Variants in IPCEF1 observed in about 807,000 individuals in gnomAD.
IPCEF1 encodes interaction protein for cytohesin exchange factors 1, also known as interactor protein for cytohesin exchange factors 1.
Under a neutral mutation model 50.9 loss-of-function variants are expected in IPCEF1, and 31 were observed. The observed-to-expected ratio is 0.61, with a 90% CI of 0.46 to 0.82. The LOEUF (loss-of-function observed/expected upper bound fraction) is 0.82, where lower values mean the gene tolerates loss of function less well. Ranked by LOEUF, IPCEF1 falls within the 40% of genes least tolerant of loss-of-function variation. The pLI, the probability that IPCEF1 is intolerant of heterozygous loss-of-function variation, is 0.00. For synonymous variants in IPCEF1, 181 were observed against 192.0 expected, an observed-to-expected ratio of 0.94 and a Z score of 0.47; for missense variants, 458 against 514.0, an observed-to-expected ratio of 0.89 and a Z score of 1.05.
chr6:154,263,417 G>A (rs1045897628), intron 3 of IPCEF1, among the ~76,000 whole-genome samples: 8 of 135,580 alleles, frequency 5.9e-5, no homozygotes, highest in Admixed American at 1.5e-4. Flanking sequence ...TGTGTCCCTG[G>A]GTACTTGAGA....
At chr6:154,335,043 G>A (rs931920374) in intron 1 of IPCEF1, among the ~76,000 whole-genome samples, 22 of 151,938 alleles carry the variant, frequency 1.4e-4, no homozygotes, top group African/African-American at 3.9e-4. Flanking sequence ...TAAACAGATC[G>A]TGTCACAAGA....
chr6:154,162,155 T>C lies in IPCEF1; in HGVS notation c.1105-2115A>G, dbSNP rs550242368. On this transcript the variant is annotated intron_variant, in intron 11 of 11. Coordinates refer to ENST00000367220, the MANE Select transcript of IPCEF1 (RefSeq NM_001130700.2). ...TCCTAGTAAAGGCCAATCCCTCCAC[T>C]TGGGCACAATGGCCCCCGCTCTCCT... 2.6e-5 allele frequency among the ~76,000 whole-genome samples: 4 copies of C among 152,326 alleles called. No homozygotes were observed. In the South Asian group the frequency reaches 8.3e-4, roughly 32 times the overall value.
intron 1 of IPCEF1, among the ~76,000 whole-genome samples, chr6:154,333,709 A>ATATATGTGTGTATG: frequency 6.6e-6 from 1 of 151,588 alleles, no homozygotes; most frequent in South Asian, 2.1e-4. Flanking sequence ...GCGTTTGTGT[A>ATATATGTGTGTATG]TATATGTGTG....
intron 1 of IPCEF1, among the ~76,000 whole-genome samples, chr6:154,320,068 T>C (rs971847932): frequency 6.6e-6 from 1 of 152,214 alleles, no homozygotes; most frequent in Non-Finnish European, 1.5e-5. Context: ...TTGTCTAACT[T>C]TTATTCTGTT....
At chr6:154,198,929 G>A (rs1351885055) in intron 10 of IPCEF1, among the ~76,000 whole-genome samples, 3 of 152,112 alleles carry the variant, frequency 2.0e-5, no homozygotes, top group Non-Finnish European at 4.4e-5. Context: ...TCAGGTAAGC[G>A]TGTTTTACAG....
chr6:154,290,503 T>C (rs1313842028), intron 1 of IPCEF1, among the ~76,000 whole-genome samples: 1 of 152,198 alleles, frequency 6.6e-6, no homozygotes, highest in Non-Finnish European at 1.5e-5. Context: ...TAATAAGCTC[T>C]CACTCCTCAA....
Position 154,331,399 on chromosome 6 carries a change from GAA to G in IPCEF1, c.-62+25271_-62+25272del, listed in dbSNP as rs753780331. Among the ~76,000 whole-genome samples the G allele has an allele frequency of 7.4e-3, 990 of 134,064 alleles. 7 individuals are homozygous for G. Among genetic ancestry groups the G allele is most frequent in the Non-Finnish European group, 0.01 (637 of 62,826 alleles). 88.0% of individuals were successfully genotyped at this position (134,064 alleles called of 152,430 possible). On this transcript the variant is annotated intron_variant, in intron 1 of 11. Transcript: ENST00000367220. ...AGAAAGAAAGAAAGAAAGAAAGAAAGAAAGAAAGAGAGAGAAAAAGAAAGAGA... is the reference window on the plus strand; with the variant it reads ...AGAAAGAAAGAAAGAAAGAAAGAAAGAGAAAGAGAGAGAAAAAGAAAGAGA...
In IPCEF1 at chr6:154,344,125, G is replaced by A. The variant is rs545070849; in HGVS notation, c.-62+12547C>T. Among the ~76,000 whole-genome samples the A allele has an allele frequency of 4.6e-5, 7 of 152,250 alleles. No individual in the cohort carries two copies. The East Asian group carries it at 1.3e-3, about 29-fold the overall frequency. On this transcript the variant is annotated intron_variant, in intron 1 of 11. Coordinates refer to ENST00000367220, the MANE Select transcript of IPCEF1 (RefSeq NM_001130700.2). Reference sequence around the variant, plus strand: ...CTGGCTGGTATCCACCACACTCCGAGTCTCCTCTCTCAGTTTTGGAGCACC... The same window carrying A: ...CTGGCTGGTATCCACCACACTCCGAATCTCCTCTCTCAGTTTTGGAGCACC...
At position 154,324,640 on chromosome 6, in the gene IPCEF1, T is replaced by C. The variant is rs1001491010; in HGVS notation, c.-62+32032A>G. Among the ~76,000 whole-genome samples, 19 of 152,026 alleles carry C rather than the reference T, an allele frequency of 1.2e-4. 1 individual carries two copies. The highest frequency in any genetic ancestry group is 1.6e-4 in the Non-Finnish European group (11 of 68,012). On this transcript the variant is annotated intron_variant, in intron 1 of 11. Transcript: ENST00000367220. ...CTGGCCAACATGGTGAAACCCTGTC[T>C]TTACTAAAAATACAAAAATTAGCTG... is the stretch of plus-strand genomic sequence containing the variant.
intron 6 of IPCEF1, among the ~76,000 whole-genome samples, chr6:154,221,634 G>A (rs772215726): frequency 1.2e-4 from 18 of 152,088 alleles, no homozygotes; most frequent in Non-Finnish European, 2.2e-4. Flanking sequence ...AGCACTTTGG[G>A]AGGCCGAGGC....
chr6:154,179,557 C>T (rs567974277), intron 10 of IPCEF1, among the ~76,000 whole-genome samples: 120 of 152,182 alleles, frequency 7.9e-4, no homozygotes, highest in Non-Finnish European at 1.4e-3. Context: ...CAAGTGTTTC[C>T]AATGCAATTT....
intron 9 of IPCEF1, among the ~76,000 whole-genome samples, chr6:154,205,282 T>C (rs1442875202): frequency 6.6e-6 from 1 of 152,208 alleles, no homozygotes; most frequent in African/African-American, 2.4e-5. Context: ...CCTGTATTTT[T>C]TTTTAATAAA....
chr6:154,262,944 T>C (rs1200956319), intron 3 of IPCEF1, among the ~76,000 whole-genome samples: 1 of 151,796 alleles, frequency 6.6e-6, no homozygotes, highest in Non-Finnish European at 1.5e-5. Flanking sequence ...GCCCAGCTAA[T>C]TTTTGTATTT....
intron 1 of IPCEF1, among the ~76,000 whole-genome samples, chr6:154,316,014 C>T (rs1783209112): frequency 6.6e-6 from 1 of 152,068 alleles, no homozygotes; most frequent in East Asian, 1.9e-4. Flanking sequence ...CATGAACCAC[C>T]AGGCCTGGCT....
At chr6:154,210,829 T>C (rs1777897881) in intron 9 of IPCEF1, among the ~76,000 whole-genome samples, 1 of 152,214 alleles carries the variant, frequency 6.6e-6, no homozygotes, top group African/African-American at 2.4e-5. Context: ...TAATAGATAG[T>C]TTAATAAACA....
chr6:154,241,433 A>G (rs1347524089), intron 5 of IPCEF1, among the ~76,000 whole-genome samples: 1 of 152,140 alleles, frequency 6.6e-6, no homozygotes, highest in East Asian at 1.9e-4. Context: ...AAATACACCA[A>G]AAAAGTAAGC....
chr6:154,280,694 A>G (rs755961030), intron 2 of IPCEF1, among the ~76,000 whole-genome samples: 6 of 152,228 alleles, frequency 3.9e-5, no homozygotes, highest in Non-Finnish European at 7.3e-5. Flanking sequence ...ATGACCACAA[A>G]TGGCAGGAGA....
rs1799841437 is a variant in IPCEF1, at chr6:154,171,171, C to T, written c.911-3058G>A. On this transcript the variant is annotated intron_variant, in intron 10 of 11. Coordinates refer to ENST00000367220, the MANE Select transcript of IPCEF1 (RefSeq NM_001130700.2). ...CACACAAAAATTGTACATGAATGTT[C>T]ACGGCAGCATTATTCATAACAGACT... 2.0e-5 allele frequency among the ~76,000 whole-genome samples: 3 copies of T among 152,114 alleles called. No homozygotes were observed. In the South Asian group the frequency reaches 6.2e-4, roughly 32 times the overall value.
At chr6:154,163,140 C>G (rs1001646886) in intron 11 of IPCEF1, among the ~76,000 whole-genome samples, 1 of 152,162 alleles carries the variant, frequency 6.6e-6, no homozygotes, top group Non-Finnish European at 1.5e-5. Flanking sequence ...TGTCTTACTC[C>G]GAGCAGAAGC....
Sources: allele counts gnomAD v4.1 joint callset (sites outside exome capture counted in the v4.1 genomes callset), GRCh38; gene constraint gnomAD v4.1.1; transcripts MANE v1.5; gene names NCBI Gene and HGNC (gene_info 2026-07-23, HGNC 2026-07-21).